CPA6: variants seen among roughly 807,000 people sequenced by gnomAD.
CPA6 encodes the protein carboxypeptidase B.
CPA6 carries 58 observed loss-of-function variants against 63.3 expected under a neutral mutation model. That is an observed-to-expected ratio of 0.92 (90% CI 0.74 to 1.14). The LOEUF (loss-of-function observed/expected upper bound fraction) is 1.14. CPA6 is among the 50% of genes most tolerant of loss of function. The pLI is 0.00. For synonymous variants in CPA6, 185 were observed against 179.0 expected (o/e 1.03, Z -0.27); for missense variants, 565 against 526.6 (o/e 1.07, Z -0.71).
intron 1 of CPA6, among the ~76,000 whole-genome samples, chr8:67,719,950 T>C (rs996530049): frequency 1.3e-5 from 2 of 151,824 alleles, no homozygotes; most frequent in Non-Finnish European, 2.9e-5. Context: ...TGGGACTGAG[T>C]TGTGGGTAAG....
At chr8:67,616,545 GT>G in intron 2 of CPA6, among the ~76,000 whole-genome samples, 4 of 137,520 alleles carry the variant, frequency 2.9e-5, no homozygotes, top group African/African-American at 8.0e-5. Flanking sequence ...GTGTGTGTGT[GT>G]GTGTGTTGTG....
intron 1 of CPA6, among the ~76,000 whole-genome samples, chr8:67,709,998 A>C (rs945137006): frequency 5.3e-5 from 8 of 152,104 alleles, no homozygotes; most frequent in Non-Finnish European, 1.2e-4. Context: ...CTGTAATCCC[A>C]GCTACTCAGG....
At chr8:67,590,579 A>T (rs548591638) in intron 2 of CPA6, among the ~76,000 whole-genome samples, 5 of 152,240 alleles carry the variant, frequency 3.3e-5, no homozygotes, top group Non-Finnish European at 7.4e-5. Context: ...AATGATTGCC[A>T]TTCTAACTGG....
At chr8:67,530,554 C>G (rs531909559) in intron 2 of CPA6, among the ~76,000 whole-genome samples, 2 of 152,320 alleles carry the variant, frequency 1.3e-5, no homozygotes, top group African/African-American at 4.8e-5. Flanking sequence ...GCAAACACCC[C>G]TTTGACAGTA....
chr8:67,552,249 A>G (rs1179288182), intron 2 of CPA6, among the ~76,000 whole-genome samples: 4 of 152,250 alleles, frequency 2.6e-5, no homozygotes, highest in South Asian at 4.1e-4. Flanking sequence ...TAAACGGAAT[A>G]GGAGTAGTGG....
chr8:67,589,731 C>T (rs77479348), intron 2 of CPA6, among the ~76,000 whole-genome samples: 105 of 152,104 alleles, frequency 6.9e-4, no homozygotes, highest in African/African-American at 2.4e-3. Context: ...GTAACCACAC[C>T]TAGGTCAAGA....
At chr8:67,471,467 A>G (rs2128959051) in intron 8 of CPA6, among the ~76,000 whole-genome samples, 1 of 152,308 alleles carries the variant, frequency 6.6e-6, no homozygotes, top group East Asian at 1.9e-4. Context: ...GTAAAAAAAA[A>G]ATCCCTTTCT....
chr8:67,593,701 T>C (rs1480883979), intron 2 of CPA6, among the ~76,000 whole-genome samples: 1 of 151,620 alleles, frequency 6.6e-6, no homozygotes, highest in African/African-American at 2.4e-5. Flanking sequence ...GAGACTAGGC[T>C]TGCAACCCCT....
At chr8:67,608,265 T>C (rs1417390670) in intron 2 of CPA6, among the ~76,000 whole-genome samples, 2 of 152,154 alleles carry the variant, frequency 1.3e-5, no homozygotes, top group Non-Finnish European at 2.9e-5. Context: ...AATATTGCCT[T>C]TTGGCCCACC....
rs1814689661 is a variant in CPA6 at position 67,607,251 on chromosome 8, T to TCTCCTTCTCCTCCTC, written c.192+16924_192+16925insGAGGAGGAGAAGGAG. ...TTCTTCTTCTTCTTCTTCTTCTTCT[T>TCTCCTTCTCCTCCTC]CTCCTCCTCCTCCTTTCTTCTTTCT... On this transcript the variant is annotated intron_variant, in intron 2 of 10. Transcript: ENST00000297770. Among the ~76,000 whole-genome samples the TCTCCTTCTCCTCCTC allele has an allele frequency of 2.0e-4, 16 of 81,154 alleles. 2 individuals are homozygous for TCTCCTTCTCCTCCTC. Among genetic ancestry groups the TCTCCTTCTCCTCCTC allele is most frequent in the African/African-American group, 1.0e-3 (16 of 15,366 alleles). 53.2% of individuals were successfully genotyped at this position (81,154 alleles called of 152,430 possible).
intron 1 of CPA6, among the ~76,000 whole-genome samples, chr8:67,744,417 C>A (rs574531613): frequency 6.6e-6 from 1 of 152,252 alleles, no homozygotes; most frequent in East Asian, 1.9e-4. Flanking sequence ...AAATTCTATA[C>A]GAAAAGGGTG....
chr8:67,678,263 A>ACACACACACACAC (rs60137125), intron 1 of CPA6, among the ~76,000 whole-genome samples: 3 of 151,672 alleles, frequency 2.0e-5, no homozygotes, highest in South Asian at 2.1e-4. Context: ...ACACACACAC[A>ACACACACACACAC]AACCCTGATG....
At chr8:67,598,559 T>C (rs986631459) in intron 2 of CPA6, among the ~76,000 whole-genome samples, 2 of 152,154 alleles carry the variant, frequency 1.3e-5, no homozygotes, top group South Asian at 4.1e-4. Context: ...GGCAACAAAA[T>C]TTGCTGACAT....
intron 8 of CPA6, among the ~76,000 whole-genome samples, chr8:67,442,877 C>A (rs1474122421): frequency 6.6e-6 from 1 of 152,154 alleles, no homozygotes; most frequent in Non-Finnish European, 1.5e-5. Flanking sequence ...GGCACTAGTG[C>A]AGGCCCATTC....
At chr8:67,711,944 G>C (rs1817271698) in intron 1 of CPA6, among the ~76,000 whole-genome samples, 1 of 152,142 alleles carries the variant, frequency 6.6e-6, no homozygotes, top group Non-Finnish European at 1.5e-5. Flanking sequence ...GTAATACTTT[G>C]AGGTCCAAGC....
At chr8:67,499,095 C>T (rs1175985632) in intron 6 of CPA6, among the ~76,000 whole-genome samples, 1 of 152,138 alleles carries the variant, frequency 6.6e-6, no homozygotes, top group Admixed American at 6.5e-5. Context: ...TGGTAGTTTG[C>T]TTCTGTATCA....
At chr8:67,472,004 T>A (rs945900326) in intron 8 of CPA6, among the ~76,000 whole-genome samples, 1 of 152,120 alleles carries the variant, frequency 6.6e-6, no homozygotes, top group African/African-American at 2.4e-5. Flanking sequence ...ATGATACAGC[T>A]GGAGGAAAAT....
chr8:67,460,596 T>C (rs1810778515), intron 8 of CPA6, among the ~76,000 whole-genome samples: 1 of 152,186 alleles, frequency 6.6e-6, no homozygotes, highest in African/African-American at 2.4e-5. Flanking sequence ...TTCTTAATTG[T>C]GGAATTTGCT....
intron 2 of CPA6, among the ~76,000 whole-genome samples, chr8:67,593,454 C>G (rs1814196227): frequency 1.3e-5 from 2 of 152,226 alleles, no homozygotes; most frequent in South Asian, 4.2e-4. Flanking sequence ...AACTTTCTGT[C>G]TTGTTGATCT....
Sources: allele counts gnomAD v4.1 joint callset (sites outside exome capture counted in the v4.1 genomes callset), GRCh38; gene constraint gnomAD v4.1.1; transcripts MANE v1.5; gene names NCBI Gene and HGNC (gene_info 2026-07-23, HGNC 2026-07-21).